Variants in RANBP2 observed in about 807,000 individuals in gnomAD.
RANBP2 encodes the protein E3 SUMO-protein ligase RanBP2.
RANBP2 carries 57 observed loss-of-function variants against 303.6 expected under a neutral mutation model. That is an observed-to-expected ratio of 0.19 (90% CI 0.15 to 0.23). RANBP2 has a LOEUF of 0.23. RANBP2 is among the 10% of genes least tolerant of loss of function. The pLI, the probability that RANBP2 is intolerant of heterozygous loss-of-function variation, is 1.00. For missense variants in RANBP2, 3,138 were observed against 3,780.8 expected, an observed-to-expected ratio of 0.83 and a Z score of 4.46; for synonymous variants, 1,167 against 1,301.5, an observed-to-expected ratio of 0.90 and a Z score of 2.23.
At chr2:108,897,068 G>C in the RANBP2 span, 1 of 1,614,206 alleles carries the variant, frequency 6.2e-7, no homozygotes. Flanking sequence ...TCAAAGAGTT[G>C]CATGCCGTCT....
the RANBP2 span, among the ~76,000 whole-genome samples, chr2:109,751,411 C>CA: frequency 1.4e-5 from 2 of 142,798 alleles, no homozygotes; most frequent in Non-Finnish European, 3.0e-5. Flanking sequence ...AACCACCCCC[C>CA]ACCCCTGCCA....
chr2:109,280,064 T>A, the RANBP2 span, among the ~76,000 whole-genome samples: 12 of 152,280 alleles, frequency 7.9e-5, no homozygotes, highest in Non-Finnish European at 1.5e-4. Context: ...GCTCCCCTCC[T>A]ATTTTTTTCG....
chr2:109,405,660 G>A, the RANBP2 span, among the ~76,000 whole-genome samples: 1 of 152,168 alleles, frequency 6.6e-6, no homozygotes, highest in East Asian at 1.9e-4. Flanking sequence ...CGCCCTTCCA[G>A]ACCATCTGAC....
the RANBP2 span, among the ~76,000 whole-genome samples, chr2:109,218,529 C>G: frequency 6.6e-6 from 1 of 152,134 alleles, no homozygotes; most frequent in Non-Finnish European, 1.5e-5. Context: ...GTGTGTGGTA[C>G]GGATGCCTTC....
the RANBP2 span, among the ~76,000 whole-genome samples, chr2:109,336,854 G>A: frequency 6.6e-5 from 10 of 152,124 alleles, no homozygotes; most frequent in East Asian, 1.8e-3. Flanking sequence ...AACCGTATCC[G>A]TCAACACCTG....
chr2:108,873,121 TA>T, the RANBP2 span, among the ~76,000 whole-genome samples: 99 of 152,320 alleles, frequency 6.5e-4, no homozygotes, highest in Non-Finnish European at 1.2e-3. Context: ...TTCTTGTTGC[TA>T]ATTATAGTAT....
chr2:108,843,608 G>A, the RANBP2 span, among the ~76,000 whole-genome samples: 1 of 152,020 alleles, frequency 6.6e-6, no homozygotes, highest in Non-Finnish European at 1.5e-5. Flanking sequence ...AATTCTTTCT[G>A]CCCTCCATGG....
the RANBP2 span, among the ~76,000 whole-genome samples, chr2:109,718,542 C>T: frequency 6.6e-6 from 1 of 152,192 alleles, no homozygotes; most frequent in African/African-American, 2.4e-5. Flanking sequence ...TGTAGTTGCT[C>T]AGGGTTGGGA....
chr2:109,436,986 T>C, the RANBP2 span: 1 of 1,613,860 alleles, frequency 6.2e-7, no homozygotes, highest in South Asian at 1.1e-5. Context: ...ACCCAGGCAG[T>C]GGGAGTCTGA....
At chr2:109,284,192 G>A in the RANBP2 span, among the ~76,000 whole-genome samples, 1 of 152,208 alleles carries the variant, frequency 6.6e-6, no homozygotes. Context: ...GGGGCCTGCA[G>A]TTTTCTCAAG....
At chr2:108,910,550 G>A in the RANBP2 span, 7 of 1,605,848 alleles carry the variant, frequency 4.4e-6, no homozygotes, top group African/African-American at 8.0e-5. Flanking sequence ...GAAATGGGGA[G>A]GTTGGGGAGA....
chr2:109,398,993 A>G, the RANBP2 span: 6 of 1,527,650 alleles, frequency 3.9e-6, no homozygotes, highest in Non-Finnish European at 5.3e-6. Flanking sequence ...CTGGGGTTCT[A>G]TCCTCAGCTC....
At chr2:109,317,596 A>C in the RANBP2 span, among the ~76,000 whole-genome samples, 47,499 of 152,058 alleles carry the variant, frequency 0.31, 9,209 homozygotes, top group African/African-American at 0.55. Context: ...AGAACAGTCA[A>C]AGTCCACCTT....
At chr2:108,897,234 A>G in the RANBP2 span, 2 of 1,613,330 alleles carry the variant, frequency 1.2e-6, no homozygotes, top group Non-Finnish European at 1.7e-6. Flanking sequence ...TAAGACCTAC[A>G]GACACCAATG....
the RANBP2 span, among the ~76,000 whole-genome samples, chr2:109,250,495 A>G: frequency 8.5e-5 from 13 of 152,052 alleles, no homozygotes; most frequent in Non-Finnish European, 1.6e-4. Context: ...TATTATTAAA[A>G]TAAATGGAAT....
chr2:109,340,472 C>A, the RANBP2 span, among the ~76,000 whole-genome samples: 2 of 152,184 alleles, frequency 1.3e-5, no homozygotes, highest in Non-Finnish European at 2.9e-5. Context: ...TGGTTCTTTG[C>A]TGAATTCACT....
At chr2:109,126,372 G>A in the RANBP2 span, among the ~76,000 whole-genome samples, 3 of 152,204 alleles carry the variant, frequency 2.0e-5, no homozygotes, top group Non-Finnish European at 1.5e-5. Flanking sequence ...GAGATGTGGC[G>A]GTGAGCTTCT....
chr2:109,567,692 A>G, the RANBP2 span: 6 of 1,014,980 alleles, frequency 5.9e-6, no homozygotes, highest in South Asian at 1.6e-4. Context: ...CTTTTTGAAA[A>G]TTCACCTTGT....
the RANBP2 span, among the ~76,000 whole-genome samples, chr2:109,290,278 A>G: frequency 6.6e-6 from 1 of 152,248 alleles, no homozygotes; most frequent in Non-Finnish European, 1.5e-5. Context: ...ATGAAGTGAG[A>G]ACTTCTCTTT....
Sources: gnomAD v4.1 joint callset for allele counts (sites outside exome capture counted in the v4.1 genomes callset) on GRCh38, gnomAD v4.1.1 for gene constraint, MANE v1.5 for transcripts, NCBI Gene and HGNC (gene_info 2026-07-23, HGNC 2026-07-21) for gene names.